STIL: variants seen among roughly 807,000 people sequenced by gnomAD.
The protein encoded by STIL is STIL centriolar assembly protein, also known as SCL-interrupting locus protein.
STIL carries 55 observed loss-of-function variants against 110.1 expected under a neutral mutation model. The ratio of observed to expected loss-of-function variants is 0.50; its 90% confidence interval spans 0.40 to 0.63. The LOEUF is 0.63. Ranked by LOEUF, STIL falls within the 20% of genes least tolerant of loss-of-function variation. STIL has a pLI of 0.00. For synonymous variants in STIL, 481 were observed against 530.0 expected, an observed-to-expected ratio of 0.91 and a Z score of 1.27; for missense variants, 1,358 against 1,530.0, an observed-to-expected ratio of 0.89 and a Z score of 1.87.
At position 47,251,665 on chromosome 1, in the gene STIL, G is replaced by A; in HGVS notation, c.3338C>T (p.Pro1113Leu). The change falls in exon 17 of 17, where the codon CCA becomes CTA. Residue 1113 changes from proline to leucine, a missense_variant. By Grantham distance (98) the Pro-to-Leu change is moderately conservative. Coordinates refer to ENST00000371877, the MANE Select transcript of STIL (RefSeq NM_001048166.1). ...RSTVGLSLIS[P>L]NNMSFATKKY... ...TTTGGTTGCAAATGACATGTTGTTT[G>A]GTGAAATTAAACTAAGCCCCACTGT... 1 of 1,614,142 alleles carries A rather than the reference G, an allele frequency of 6.2e-7. No homozygotes were observed. Among genetic ancestry groups the A allele is most frequent in the South Asian group, 1.1e-5 (1 of 91,078 alleles).
chr1:47,281,842 G>C (rs956432432), intron 11 of STIL, among the ~76,000 whole-genome samples: 3 of 151,968 alleles, frequency 2.0e-5, no homozygotes, highest in African/African-American at 4.8e-5. Flanking sequence ...ATGACCCACA[G>C]GTTGGTAGCA....
chr1:47,257,485 T>C (rs1644360975), intron 16 of STIL, among the ~76,000 whole-genome samples: 1 of 152,130 alleles, frequency 6.6e-6, no homozygotes, highest in Non-Finnish European at 1.5e-5. Flanking sequence ...CAGGCCTGGG[T>C]GACAGAGCAA....
At position 47,299,894 on chromosome 1, in the gene STIL, C is replaced by A. The variant is rs1450384468; in HGVS notation, c.701+11G>T. The A allele has an allele frequency of 6.2e-7, 1 of 1,611,474 alleles. No individual in the cohort carries two copies. The highest frequency in any genetic ancestry group is 1.7e-5 in the Admixed American group (1 of 59,988). ...GCAACTAACATTTAGATTAATGTATCTTTTACTTACCCATATTTATAAGTC... is the reference window on the plus strand; with the variant it reads ...GCAACTAACATTTAGATTAATGTATATTTTACTTACCCATATTTATAAGTC... On this transcript the variant is annotated intron_variant, in intron 6 of 16. Transcript: ENST00000371877.
At chr1:47,268,789 AAATT>A (rs1224324494) in intron 14 of STIL, among the ~76,000 whole-genome samples, 1 of 127,586 alleles carries the variant, frequency 7.8e-6, no homozygotes, top group East Asian at 2.1e-4. Context: ...ATAAATAAAT[AAATT>A]AAATAAAAGA....
intron 1 of STIL, chr1:47,312,926 G>A (rs1400894133): frequency 2.0e-5 from 3 of 152,134 alleles, no homozygotes; most frequent in Non-Finnish European, 2.9e-5. Context: ...CACCACCTTA[G>A]TTGCTAACTT....
intron 16 of STIL, among the ~76,000 whole-genome samples, chr1:47,256,190 T>C (rs1418186095): frequency 6.6e-6 from 1 of 152,124 alleles, no homozygotes; most frequent in African/African-American, 2.4e-5. Flanking sequence ...ATACTGACAG[T>C]AAATACTACA....
intron 11 of STIL, 108 bp downstream of exon 11, chr1:47,282,237 T>C: frequency 1.3e-6 from 1 of 742,948 alleles, no homozygotes; most frequent in Non-Finnish European, 2.4e-6. Flanking sequence ...TAGCTAGATA[T>C]ATCTAAGAAT....
chr1:47,279,094 G>A (rs550213104), intron 12 of STIL, among the ~76,000 whole-genome samples: 1 of 152,090 alleles, frequency 6.6e-6, no homozygotes, highest in East Asian at 1.9e-4. Context: ...TCAGGAGATC[G>A]AGACCATCCT....
rs1219786691 is a variant in STIL, at chr1:47,289,338, G to T, written c.1023+97C>A. On this transcript the variant is annotated intron_variant, in intron 9 of 16. Transcript: ENST00000371877. ...ATAAGTAAACAAAGCATAATAGTTT[G>T]GATTACTATTTTAAAGGGTAAAAGC... is the stretch of plus-strand genomic sequence containing the variant. The T allele has an allele frequency of 4.8e-6, 4 of 835,362 alleles. No homozygotes were observed. In the Admixed American group the frequency reaches 7.8e-5, roughly 16 times the overall value. 51.7% of individuals were successfully genotyped at this position (835,362 alleles called of 1,614,324 possible).
chr1:47,300,472 A>AT lies in STIL; in HGVS notation c.454-321dup, dbSNP rs762624462. ...CATGGGAAAAAATGGACATAAAATAATTTTTTTTTTTTTGAGAAGGAGTCT... is the reference window on the plus strand; with the variant it reads ...CATGGGAAAAAATGGACATAAAATAATTTTTTTTTTTTTTGAGAAGGAGTCT... On this transcript the variant is annotated intron_variant, in intron 5 of 16. Coordinates refer to ENST00000371877, the MANE Select transcript of STIL (RefSeq NM_001048166.1). 1.0e-3 allele frequency among the ~76,000 whole-genome samples: 97 copies of AT among 97,252 alleles called. 1 individual carries two copies. Among genetic ancestry groups the AT allele is most frequent in the Middle Eastern group, 9.3e-3 (2 of 214 alleles). 63.8% of individuals were successfully genotyped at this position (97,252 alleles called of 152,430 possible). A position where few individuals can be genotyped will look rare whatever the true frequency, so the allele number is the denominator to read the frequency against.
chr1:47,286,660 C>T lies in STIL; in HGVS notation c.1133+891G>A, dbSNP rs542056949. ...CAGTGAGCTGAGATACGCCACTGCA[C>T]TCCAGCCTGGGCGACAGAGCGAGGC... is the stretch of plus-strand genomic sequence containing the variant. On this transcript the variant is annotated intron_variant, in intron 10 of 16. Coordinates refer to ENST00000371877, the MANE Select transcript of STIL (RefSeq NM_001048166.1). Among the ~76,000 whole-genome samples the T allele has an allele frequency of 5.3e-3, 806 of 151,830 alleles. 4 individuals carry two copies. The highest frequency in any genetic ancestry group is 0.018 in the African/African-American group (760 of 41,350).
intron 12 of STIL, among the ~76,000 whole-genome samples, chr1:47,276,380 G>A (rs1333226594): frequency 2.6e-5 from 4 of 151,562 alleles, no homozygotes; most frequent in Non-Finnish European, 5.9e-5. Flanking sequence ...AAGACTAACT[G>A]TAAGAAATAC....
chr1:47,276,955 AAAAT>A (rs993047805), intron 12 of STIL, among the ~76,000 whole-genome samples: 17 of 152,228 alleles, frequency 1.1e-4, no homozygotes, highest in East Asian at 5.8e-4. Context: ...CTCATCTAGA[AAAAT>A]AAATAAATAA....
At chr1:47,271,007 A>G (rs1438786200) in intron 13 of STIL, among the ~76,000 whole-genome samples, 4 of 151,988 alleles carry the variant, frequency 2.6e-5, no homozygotes, top group Admixed American at 6.6e-5. Context: ...AAGCACTTAC[A>G]CCTATCTTCA....
chr1:47,252,401 G>T (rs1406561078), intron 16 of STIL, among the ~76,000 whole-genome samples: 1 of 151,020 alleles, frequency 6.6e-6, no homozygotes, highest in Admixed American at 6.6e-5. Context: ...AAAAAATAAA[G>T]AAAAAATAAA....
At chr1:47,272,275 G>A (rs746613299) in intron 12 of STIL, 34 bp from the exon 13 acceptor site, 9 of 1,612,182 alleles carry the variant, frequency 5.6e-6, no homozygotes, top group Non-Finnish European at 4.2e-6. Flanking sequence ...TAAACTGACA[G>A]GGAAGTAATC....
intron 2 of STIL, 116 bp downstream of exon 2, chr1:47,310,160 G>T: frequency 3.2e-6 from 3 of 950,416 alleles, no homozygotes; most frequent in Non-Finnish European, 4.8e-6. Flanking sequence ...GTAGAGCTAG[G>T]ATATGAACCC....
intron 10 of STIL, among the ~76,000 whole-genome samples, chr1:47,286,775 TA>T (rs1435368398): frequency 6.6e-6 from 1 of 152,186 alleles, no homozygotes; most frequent in Admixed American, 6.5e-5. Context: ...TTCTAGTGAT[TA>T]ATGTTTTAAA....
At position 47,250,818 on chromosome 1, in the gene STIL, CAA is replaced by C; in HGVS notation, c.*316_*317del. ...GGGCTACAAGAGCAAAACTCCGTCT[CAA>C]AAAAAAAAGTACAGTATAAAAGAGC... is the stretch of plus-strand genomic sequence containing the variant. On this transcript the variant is annotated 3_prime_UTR_variant, in exon 17 of 17. Coordinates refer to ENST00000371877, the MANE Select transcript of STIL (RefSeq NM_001048166.1). 2.2e-5 allele frequency: 5 copies of C among 227,702 alleles called. No homozygotes were observed. The highest frequency in any genetic ancestry group is 1.3e-4 in the South Asian group (1 of 7,502). The allele number at this position is 227,702 out of a possible 1,614,324, so 14.1% of individuals were successfully genotyped here. A position where few individuals can be genotyped will look rare whatever the true frequency, so the allele number is the denominator to read the frequency against.
Sources: gnomAD v4.1 joint callset for allele counts (sites outside exome capture counted in the v4.1 genomes callset) on GRCh38, gnomAD v4.1.1 for gene constraint, MANE v1.5 for transcripts, NCBI Gene and HGNC (gene_info 2026-07-23, HGNC 2026-07-21) for gene names.